The following SEC14L1 variants were observed in gnomAD, a reference collection of about 807,000 sequenced individuals.
SEC14L1 encodes SEC14 like lipid binding 1.
In SEC14L1, 48 loss-of-function variants were observed where a neutral mutation model predicts 85.3. That is an observed-to-expected ratio of 0.56 (90% CI 0.45 to 0.72). SEC14L1 has a LOEUF of 0.72. Among genes scored for constraint, SEC14L1 ranks in the 30% least tolerant of loss-of-function variants. SEC14L1 has a pLI of 0.00. For synonymous variants in SEC14L1, 391 were observed against 355.5 expected (o/e 1.10, Z -1.12); for missense variants, 682 against 921.4 (o/e 0.74, Z 3.36).
intron 3 of SEC14L1, among the ~76,000 whole-genome samples, chr17:77,182,291 C>T (rs1175933984): frequency 6.6e-6 from 1 of 152,188 alleles, no homozygotes; most frequent in Admixed American, 6.5e-5. Context: ...TAGCACAGTA[C>T]TAGCTTTTAA....
At chr17:77,136,453 G>A (rs1163609289), upstream of SEC14L1, among the ~76,000 whole-genome samples, 1 of 151,908 alleles carries the variant, frequency 6.6e-6, no homozygotes, top group African/African-American at 2.4e-5. Flanking sequence ...TATCCTTGAT[G>A]AGAGAGATTG....
chr17:77,182,749 G>GCGCA (rs1975092956), intron 3 of SEC14L1, among the ~76,000 whole-genome samples: 1 of 152,146 alleles, frequency 6.6e-6, no homozygotes, highest in Non-Finnish European at 1.5e-5. Context: ...TTTGAACCTG[G>GCGCA]GAGAGTTGAA....
At chr17:77,194,176 G>T (rs559344858) in intron 6 of SEC14L1, among the ~76,000 whole-genome samples, 13 of 152,204 alleles carry the variant, frequency 8.5e-5, no homozygotes, top group African/African-American at 3.1e-4. Flanking sequence ...AAAATAACAA[G>T]TAAAATAAAC....
chr17:77,158,298 C>G (rs938309905), intron 3 of SEC14L1, among the ~76,000 whole-genome samples: 15 of 152,230 alleles, frequency 9.9e-5, no homozygotes, highest in African/African-American at 3.1e-4. Context: ...AATCGAAGCT[C>G]TGTCCCCATG....
intron 3 of SEC14L1, among the ~76,000 whole-genome samples, chr17:77,187,992 G>A (rs560022870): frequency 5.3e-5 from 8 of 152,088 alleles, no homozygotes; most frequent in Non-Finnish European, 1.2e-4. Flanking sequence ...TGATCTGCAC[G>A]CCTGGGCCTC....
At chr17:77,143,851 C>T (rs1347099257) in intron 3 of SEC14L1, 192 bp downstream of exon 3, 1 of 443,638 alleles carries the variant, frequency 2.3e-6, no homozygotes, top group East Asian at 3.7e-5. Context: ...TAAAAATCTG[C>T]TTATTAAAAA....
intron 3 of SEC14L1, among the ~76,000 whole-genome samples, chr17:77,112,050 G>A (rs1195649069): frequency 6.6e-6 from 1 of 152,174 alleles, no homozygotes; most frequent in Non-Finnish European, 1.5e-5. Context: ...AATCATGGGA[G>A]CAGTTACTGC....
intron 10 of SEC14L1, 40 bp from the exon 11 acceptor site, chr17:77,205,236 A>G: frequency 6.4e-7 from 1 of 1,573,338 alleles, no homozygotes; most frequent in Non-Finnish European, 8.7e-7. Context: ...TTTTAGCCTT[A>G]AACTAATCAT....
chr17:77,197,608 T>C (rs1975879833), intron 8 of SEC14L1, among the ~76,000 whole-genome samples: 1 of 152,046 alleles, frequency 6.6e-6, no homozygotes, highest in African/African-American at 2.4e-5. Context: ...TACAGTTTTA[T>C]GTTTTTGAAT....
intron 8 of SEC14L1, chr17:77,199,249 C>G (rs1975987112): frequency 6.5e-6 from 1 of 153,928 alleles, no homozygotes; most frequent in African/African-American, 2.4e-5. Context: ...AGCAATCCAC[C>G]TGCCTTGGCC....
Position 77,154,115 on chromosome 17 carries a change from A to C in SEC14L1, c.63+10456A>C, listed in dbSNP as rs577763997. 1.3e-5 allele frequency among the ~76,000 whole-genome samples: 2 copies of C among 152,238 alleles called. 1 individual carries two copies. Among genetic ancestry groups the C allele is most frequent in the Non-Finnish European group, 2.9e-5 (2 of 68,048 alleles). On this transcript the variant is annotated intron_variant, in intron 3 of 16. Transcript: ENST00000436233. ...CTGTAATACAAATAAAACGCATGCA[A>C]CAACTATTTACATAGCATTTACATT...
intron 3 of SEC14L1, among the ~76,000 whole-genome samples, chr17:77,107,929 A>G (rs1223736176): frequency 6.6e-6 from 1 of 152,168 alleles, no homozygotes; most frequent in South Asian, 2.1e-4. Flanking sequence ...TTAAAAACAG[A>G]GACGGGGTCT....
chr17:77,100,668 C>T (rs1971757989), intron 3 of SEC14L1, among the ~76,000 whole-genome samples: 1 of 151,896 alleles, frequency 6.6e-6, no homozygotes, highest in South Asian at 2.1e-4. Context: ...AACTCCTGAC[C>T]TCAAGCGATC....
intron 3 of SEC14L1, among the ~76,000 whole-genome samples, chr17:77,154,095 A>T (rs1252769624): frequency 6.6e-6 from 1 of 152,240 alleles, no homozygotes; most frequent in Admixed American, 6.5e-5. Context: ...ATAAACTGTA[A>T]TACAAATAAA....
chr17:77,214,536 C>G lies in SEC14L1; in HGVS notation c.*513C>G. On this transcript the variant is annotated 3_prime_UTR_variant, in exon 17 of 17. Coordinates refer to ENST00000436233, the MANE Select transcript of SEC14L1 (RefSeq NM_001143998.2). ...ATGGTCTGTGGACTTAGGGCCAGCCCTTGAGGTCCTTATCCTCTGAGGATT... is the reference window on the plus strand; with the variant it reads ...ATGGTCTGTGGACTTAGGGCCAGCCGTTGAGGTCCTTATCCTCTGAGGATT... 1.0e-6 allele frequency: 1 copy of G among 994,206 alleles called. No homozygotes were observed. Among genetic ancestry groups the G allele is most frequent in the Non-Finnish European group, 1.2e-6 (1 of 834,824 alleles). 61.6% of individuals were successfully genotyped at this position (994,206 alleles called of 1,614,324 possible).
At chr17:77,195,243 G>A (rs575298567) in intron 7 of SEC14L1, among the ~76,000 whole-genome samples, 17 of 151,938 alleles carry the variant, frequency 1.1e-4, no homozygotes, top group Admixed American at 1.1e-3. Flanking sequence ...CAATCCTTCT[G>A]CCTCGGCCTC....
upstream of SEC14L1, among the ~76,000 whole-genome samples, chr17:77,136,660 G>A (rs1386264381): frequency 1.3e-5 from 2 of 152,148 alleles, no homozygotes; most frequent in African/African-American, 2.4e-5. Flanking sequence ...GTGTGTGCAC[G>A]TGTTTGTACA....
intron 14 of SEC14L1, chr17:77,210,544 T>C (rs1976693218): frequency 1.3e-5 from 2 of 152,416 alleles, no homozygotes; most frequent in African/African-American, 4.8e-5. Context: ...CAGTGGCTTC[T>C]GCTGGGGTGT....
chr17:77,139,379 C>T (rs781227426), upstream of SEC14L1, among the ~76,000 whole-genome samples: 2 of 152,084 alleles, frequency 1.3e-5, no homozygotes, highest in Admixed American at 6.5e-5. Flanking sequence ...ACCGTGTTGA[C>T]CAGGATGGTC....
Sources: gnomAD v4.1 joint callset for allele counts (sites outside exome capture counted in the v4.1 genomes callset) on GRCh38, gnomAD v4.1.1 for gene constraint, MANE v1.5 for transcripts, NCBI Gene and HGNC (gene_info 2026-07-23, HGNC 2026-07-21) for gene names.